Variants in RORA observed in about 807,000 individuals in gnomAD.
The protein encoded by RORA is nuclear receptor ROR-alpha.
In RORA, 7 loss-of-function variants were observed where a neutral mutation model predicts 69.5. The ratio of observed to expected loss-of-function variants is 0.10; its 90% confidence interval spans 0.06 to 0.19. The LOEUF (loss-of-function observed/expected upper bound fraction) is 0.19, where lower values mean the gene tolerates loss of function less well. Ranked by LOEUF, RORA falls within the 10% of genes least tolerant of loss-of-function variation. The probability of loss-of-function intolerance (pLI) is 1.00; values close to 1 mark genes in which losing one functional copy is unlikely to be tolerated. For missense variants in RORA, 457 were observed against 663.0 expected (o/e 0.69, Z 3.41); for synonymous variants, 261 against 240.8 (o/e 1.08, Z -0.78).
At position 60,534,735 on chromosome 15, in the gene RORA, T is replaced by G. The variant is rs1695482441; in HGVS notation, c.197-2884A>C. ...AATGCACTTTAGGAAATGACTAAAATCCTCCTACTCCAAAAGCAAACCCTC... is the reference window on the plus strand; with the variant it reads ...AATGCACTTTAGGAAATGACTAAAAGCCTCCTACTCCAAAAGCAAACCCTC... On this transcript the variant is annotated intron_variant, in intron 2 of 10. Transcript: ENST00000335670. The surrounding 1 kb of genome is among the most constrained non-coding windows in gnomAD (Gnocchi z 5.0). Among the ~76,000 whole-genome samples the G allele has an allele frequency of 6.6e-6, 1 of 152,070 alleles. No homozygotes were observed. Among genetic ancestry groups the G allele is most frequent in the African/African-American group, 2.4e-5 (1 of 41,392 alleles).
At chr15:61,089,223 G>T (rs1464898872) in intron 1 of RORA, among the ~76,000 whole-genome samples, 1 of 152,122 alleles carries the variant, frequency 6.6e-6, no homozygotes, top group South Asian at 2.1e-4. Context: ...ATAATAAAAA[G>T]CTCCCAGTGA....
At chr15:61,084,701 C>T (rs1243762196) in intron 1 of RORA, among the ~76,000 whole-genome samples, 2 of 152,128 alleles carry the variant, frequency 1.3e-5, no homozygotes, top group African/African-American at 2.4e-5. Flanking sequence ...TGCACAGAAC[C>T]GGGGAAGCAG....
At chr15:61,070,879 C>T (rs73428861) in intron 1 of RORA, among the ~76,000 whole-genome samples, 1,766 of 152,158 alleles carry the variant, frequency 0.012, 31 homozygotes, top group African/African-American at 0.04. Context: ...CAAAATATAG[C>T]TTCTACCTGG....
chr15:60,587,684 A>T (rs572379124), intron 2 of RORA, among the ~76,000 whole-genome samples: 1 of 152,334 alleles, frequency 6.6e-6, no homozygotes, highest in Non-Finnish European at 1.5e-5. Flanking sequence ...AAACTTCAGA[A>T]GCAGTAACAT....
chr15:60,805,813 C>CAATTG (rs2072652316), intron 1 of RORA, among the ~76,000 whole-genome samples: 1 of 152,168 alleles, frequency 6.6e-6, no homozygotes, highest in South Asian at 2.1e-4. Flanking sequence ...CCAATTCTGC[C>CAATTG]AACTAAGAGG....
chr15:60,640,546 T>C (rs1429963695), intron 2 of RORA, among the ~76,000 whole-genome samples: 1 of 152,148 alleles, frequency 6.6e-6, no homozygotes, highest in Admixed American at 6.5e-5. Flanking sequence ...CACCACAGCC[T>C]TCAAAGGCCC....
chr15:60,498,580 C>A (rs960452871), intron 10 of RORA, among the ~76,000 whole-genome samples: 8 of 152,256 alleles, frequency 5.3e-5, no homozygotes, highest in African/African-American at 1.9e-4. Context: ...TCCAAAGCAC[C>A]TCACAAAGGC....
intron 1 of RORA, among the ~76,000 whole-genome samples, chr15:60,738,829 T>C (rs886604225): frequency 3.9e-5 from 6 of 152,164 alleles, no homozygotes; most frequent in Non-Finnish European, 2.9e-5. Context: ...CATGCTTCCT[T>C]TGAAGGTGCT....
At chr15:61,162,783 C>T (rs966165755) in intron 1 of RORA, among the ~76,000 whole-genome samples, 4 of 152,150 alleles carry the variant, frequency 2.6e-5, no homozygotes, top group African/African-American at 7.2e-5. Context: ...TACCTAATAA[C>T]TACTTTGGCC....
intron 1 of RORA, among the ~76,000 whole-genome samples, chr15:60,959,911 T>C (rs1035421808): frequency 1.3e-5 from 2 of 152,190 alleles, no homozygotes; most frequent in East Asian, 3.8e-4. Flanking sequence ...TGTGGCCTCC[T>C]TCTCATCTCT....
chr15:60,554,155 T>C (rs1473679645), intron 2 of RORA, among the ~76,000 whole-genome samples: 7 of 152,314 alleles, frequency 4.6e-5, no homozygotes, highest in South Asian at 2.1e-4. Context: ...TTATTTCCCA[T>C]TGAAGTACTG....
chr15:60,779,545 G>A (rs1039256282), intron 1 of RORA, among the ~76,000 whole-genome samples: 2 of 152,166 alleles, frequency 1.3e-5, no homozygotes, highest in Non-Finnish European at 2.9e-5. Flanking sequence ...CACCATAGAA[G>A]GGGAAATGCT....
intron 1 of RORA, among the ~76,000 whole-genome samples, chr15:61,030,420 A>G (rs574605328): frequency 6.6e-6 from 1 of 152,270 alleles, no homozygotes; most frequent in South Asian, 2.1e-4. Context: ...TTCTCAGATG[A>G]TTGAGAAGAA....
At position 60,999,637 on chromosome 15, in the gene RORA, T is replaced by C. The variant is rs16943465; in HGVS notation, c.166+229416A>G. 7.4e-3 allele frequency among the ~76,000 whole-genome samples: 1,133 copies of C among 152,272 alleles called. 18 individuals carry two copies. Among genetic ancestry groups the C allele is most frequent in the African/African-American group, 0.026 (1,068 of 41,550 alleles). On this transcript the variant is annotated intron_variant, in intron 1 of 10. Transcript: ENST00000335670. ...CACCTCTGCCCCTGCCGCGGCCTTA[T>C]CAAGACTTCCTGTACATCTGTCTGT...
At chr15:61,012,955 T>G (rs1895136428) in intron 1 of RORA, among the ~76,000 whole-genome samples, 1 of 152,170 alleles carries the variant, frequency 6.6e-6, no homozygotes, top group Admixed American at 6.5e-5. Context: ...CCCAGCCTCA[T>G]CTAACTTCTT....
rs768236570 is a variant in RORA, at chr15:60,500,990, T to G, written c.1263A>C (p.Ala421=). The G allele has an allele frequency of 1.9e-6, 3 of 1,604,252 alleles. No homozygotes were observed. The highest frequency in any genetic ancestry group is 2.6e-6 in the Non-Finnish European group (3 of 1,171,474). ...ACATCAGTACAAATGCAGAAAATAA[T>G]GCAATTTCATCTTCAGTCAGGTGCA... ...CSMHLTEDEI[A]LFSAFVLMSA... The change falls in exon 9 of 11, where the codon GCA becomes GCC. Residue 421 remains alanine, a synonymous_variant. Transcript: ENST00000335670.
At chr15:61,198,168 A>T (rs560613740) in intron 1 of RORA, among the ~76,000 whole-genome samples, 22 of 152,318 alleles carry the variant, frequency 1.4e-4, no homozygotes, top group African/African-American at 5.3e-4. Flanking sequence ...ATTTAAAAAA[A>T]TTGATATGGA....
chr15:60,704,902 C>T (rs564038388), intron 1 of RORA, among the ~76,000 whole-genome samples: 38 of 152,294 alleles, frequency 2.5e-4, no homozygotes, highest in Admixed American at 4.6e-4. Flanking sequence ...CATTGCTCCC[C>T]ACTCTGACCT....
rs78325748 is a variant in RORA, at chr15:60,625,639, G to C, written c.196+53018C>G. ...AGTTGTTAAAAAGAACAAGGAAATT[G>C]TGTACGAAATTGCTATGGAATTATC... On this transcript the variant is annotated intron_variant, in intron 2 of 10. Transcript: ENST00000335670. Among the ~76,000 whole-genome samples the C allele has an allele frequency of 7.9e-3, 1,198 of 152,334 alleles. 21 individuals are homozygous for C. The highest frequency in any genetic ancestry group is 0.027 in the African/African-American group (1,141 of 41,570).
Sources: allele counts gnomAD v4.1 joint callset (sites outside exome capture counted in the v4.1 genomes callset), GRCh38; gene constraint gnomAD v4.1.1; non-coding constraint Gnocchi (gnomAD v3.1); transcripts MANE v1.5; gene names NCBI Gene and HGNC (gene_info 2026-07-23, HGNC 2026-07-21).